PABIR3: variants seen among roughly 807,000 people sequenced by gnomAD.
The protein encoded by PABIR3 is PABIR family member 1.
In PABIR3, 20 loss-of-function variants were observed where a neutral mutation model predicts 23.1. That is an observed-to-expected ratio of 0.86 (90% CI 0.61 to 1.26). The LOEUF (loss-of-function observed/expected upper bound fraction) is 1.26. PABIR3 is among the 50% of genes most tolerant of loss of function. The pLI is 0.00. For synonymous variants in PABIR3, 69 were observed against 68.5 expected (o/e 1.01, Z -0.04); for missense variants, 189 against 195.4 (o/e 0.97, Z 0.20).
chrX:134,819,451 G>A (rs1188723342), intron 3 of PABIR3, among the ~76,000 whole-genome samples: 2 of 111,666 alleles, frequency 1.8e-5, no homozygotes, highest in African/African-American at 3.3e-5. Flanking sequence ...TGCTTTTATT[G>A]TGTCTAAGTA....
chrX:134,849,420 A>G (rs997220069), intron 9 of PABIR3, among the ~76,000 whole-genome samples, 192 bp downstream of exon 9: 4 of 112,284 alleles, frequency 3.6e-5, no homozygotes, highest in African/African-American at 9.7e-5. Flanking sequence ...CTAAAATGCT[A>G]TATAAATGTG....
chrX:134,822,479 C>T (rs1420252290), intron 3 of PABIR3: 1 of 750,622 alleles, frequency 1.3e-6, no homozygotes, highest in Non-Finnish European at 1.6e-6. Flanking sequence ...CAAATCCTAC[C>T]TACCTCAGAC....
intron 2 of PABIR3, chrX:134,810,695 C>T: frequency 1.3e-6 from 1 of 754,297 alleles, no homozygotes; most frequent in Non-Finnish European, 1.6e-6. Flanking sequence ...TCACTTTTCT[C>T]CCTTTTTTTT....
In PABIR3 at chrX:134,801,024, T is replaced by C. The variant is rs2080053972; in HGVS notation, c.-97-3077T>C. ...AAGGACTGACTTTCAAAGCCAGGAA[T>C]TGAACCCAGGCGCCATTGTGATAGG... On this transcript the variant is annotated intron_variant, in intron 1 of 4. Transcript: ENST00000414371. 2.7e-5 allele frequency among the ~76,000 whole-genome samples: 3 copies of C among 112,258 alleles called. No individual in the cohort carries two copies. The South Asian group carries it at 1.1e-3, about 41-fold the overall frequency.
At chrX:134,797,810 ATT>A (rs200169266) in intron 1 of PABIR3, among the ~76,000 whole-genome samples, 87 of 88,035 alleles carry the variant, frequency 9.9e-4, no homozygotes, top group African/African-American at 2.8e-3. Flanking sequence ...TGAGATCTGG[ATT>A]TTTTTTTTTT....
chrX:134,807,354 C>A lies in PABIR3; in HGVS notation c.-60+13C>A, dbSNP rs1238511370. The A allele has an allele frequency of 4.2e-6, 4 of 956,746 alleles. No homozygotes were observed. The highest frequency in any genetic ancestry group is 2.6e-6 in the Non-Finnish European group (2 of 766,971). The allele number at this position is 956,746 out of a possible 1,213,427, so 78.8% of individuals were successfully genotyped here. ...TATAGACTTGGAGGTGGGGGATCTT[C>A]TCATCGTTAGAGGCCCCGATCATGG... On this transcript the variant is annotated intron_variant, in intron 1 of 10. Coordinates refer to ENST00000645433, the MANE Select transcript of PABIR3 (RefSeq NM_001388447.1).
Position 134,807,265 on chromosome X carries a change from T to A in PABIR3, c.-136T>A. On this transcript the variant is annotated 5_prime_UTR_variant, in exon 1 of 11. Coordinates refer to ENST00000645433, the MANE Select transcript of PABIR3 (RefSeq NM_001388447.1). ...TTGGCCGGAAAGGCTTACCATGAGT[T>A]GCCAGGGCTGAGAGAGATGGAGAAG... The A allele has an allele frequency of 1.1e-6, 1 of 905,448 alleles. No homozygotes were observed. The highest frequency in any genetic ancestry group is 1.4e-6 in the Non-Finnish European group (1 of 735,095). The allele number at this position is 905,448 out of a possible 1,213,427, so 74.6% of individuals were successfully genotyped here. A position where few individuals can be genotyped will look rare whatever the true frequency, so the allele number is the denominator to read the frequency against.
chrX:134,822,710 G>A (rs374557873), intron 3 of PABIR3: 3 of 653,051 alleles, frequency 4.6e-6, no homozygotes, highest in Non-Finnish European at 5.5e-6. Flanking sequence ...CTTATAAGTC[G>A]GAGCTAAATG....
At chrX:134,854,994 C>T (rs1048731799), downstream of PABIR3, among the ~76,000 whole-genome samples, 4 of 111,588 alleles carry the variant, frequency 3.6e-5, no homozygotes, top group Admixed American at 9.6e-5. Context: ...TGATTAAATA[C>T]AGGCTTAATA....
intron 4 of PABIR3, among the ~76,000 whole-genome samples, chrX:134,830,355 CAG>C (rs1491038475): frequency 3.1e-5 from 2 of 64,707 alleles, no homozygotes; most frequent in African/African-American, 1.4e-4. Context: ...TTTTTTGAGA[CAG>C]AGTTTCGCTC....
At chrX:134,810,565 A>G in intron 2 of PABIR3, 7 of 754,160 alleles carry the variant, frequency 9.3e-6, no homozygotes, top group Non-Finnish European at 1.1e-5. Context: ...GTGCTGTTGT[A>G]GAAAATGTAG....
At chrX:134,856,040 G>C (rs182096662), downstream of PABIR3, among the ~76,000 whole-genome samples, 184 of 111,580 alleles carry the variant, frequency 1.6e-3, no homozygotes, top group Non-Finnish European at 2.1e-3. Flanking sequence ...GAATGTTCAA[G>C]CACAAGGACT....
chrX:134,844,853 A>G (rs2082380374), intron 4 of PABIR3, among the ~76,000 whole-genome samples: 1 of 112,211 alleles, frequency 8.9e-6, no homozygotes, highest in Non-Finnish European at 1.9e-5. Context: ...ATCCATAGCT[A>G]TTGTGGACTA....
chrX:134,816,395 A>G (rs752576246), intron 3 of PABIR3, among the ~76,000 whole-genome samples: 2 of 112,482 alleles, frequency 1.8e-5, no homozygotes, highest in East Asian at 5.6e-4. Flanking sequence ...ATCTTGGCTC[A>G]CTGCAATCTC....
At chrX:134,818,468 C>A (rs2081095993) in intron 3 of PABIR3, among the ~76,000 whole-genome samples, 4 of 111,570 alleles carry the variant, frequency 3.6e-5, no homozygotes, top group African/African-American at 1.3e-4. Flanking sequence ...CATGAAAAAA[C>A]AAGGAAAAGT....
chrX:134,819,161 T>C (rs1001766598), intron 3 of PABIR3, among the ~76,000 whole-genome samples: 1 of 109,714 alleles, frequency 9.1e-6, no homozygotes, highest in Non-Finnish European at 1.9e-5. Context: ...GGTCTCAAAC[T>C]CCTGACCTCG....
intron 4 of PABIR3, among the ~76,000 whole-genome samples, chrX:134,842,775 G>A (rs1488480547): frequency 9.0e-6 from 1 of 110,529 alleles, no homozygotes; most frequent in Non-Finnish European, 1.9e-5. Flanking sequence ...GCGGGTGCCT[G>A]TAATCCCAGC....
intron 3 of PABIR3, among the ~76,000 whole-genome samples, chrX:134,823,634 A>G (rs1171223082): frequency 9.0e-6 from 1 of 111,719 alleles, no homozygotes; most frequent in Non-Finnish European, 1.9e-5. Context: ...GTACACATAT[A>G]TATCCATGTG....
the PABIR3 span, among the ~76,000 whole-genome samples, chrX:134,861,132 G>A: frequency 1.4e-4 from 16 of 110,635 alleles, no homozygotes; most frequent in African/African-American, 4.9e-4. Flanking sequence ...AAAATTAGCC[G>A]GGTGTGGTGG....
Sources: gnomAD v4.1 joint callset for allele counts (sites outside exome capture counted in the v4.1 genomes callset) on GRCh38, gnomAD v4.1.1 for gene constraint, MANE v1.5 for transcripts, NCBI Gene and HGNC (gene_info 2026-07-23, HGNC 2026-07-21) for gene names.